KAZN: variants seen among roughly 807,000 people sequenced by gnomAD.
The protein encoded by KAZN is kazrin.
KAZN carries 40 observed loss-of-function variants against 87.4 expected under a neutral mutation model. The ratio of observed to expected loss-of-function variants is 0.46; its 90% confidence interval spans 0.36 to 0.60. KAZN has a LOEUF of 0.60. KAZN is among the 20% of genes least tolerant of loss of function. KAZN has a pLI of 0.00. For synonymous variants in KAZN, 466 were observed against 458.3 expected (o/e 1.02, Z -0.22); for missense variants, 898 against 1,073.9 (o/e 0.84, Z 2.29).
intron 1 of KAZN, among the ~76,000 whole-genome samples, chr1:13,920,939 A>AT (rs1640041973): frequency 6.6e-6 from 1 of 152,168 alleles, no homozygotes; most frequent in East Asian, 1.9e-4. Context: ...CTGCGCTGTC[A>AT]CTTGTCAGAT....
chr1:14,845,551 ATGGG>A (rs1183608838), intron 1 of KAZN, among the ~76,000 whole-genome samples: 4 of 138,906 alleles, frequency 2.9e-5, no homozygotes, highest in East Asian at 2.2e-4. Flanking sequence ...GGATGCATAG[ATGGG>A]TGGGTGGATG....
intron 2 of KAZN, among the ~76,000 whole-genome samples, chr1:14,337,211 T>G (rs1459988946): frequency 6.6e-6 from 1 of 152,222 alleles, no homozygotes; most frequent in Non-Finnish European, 1.5e-5. Context: ...TGATATGTAA[T>G]TTTGAGAAGA....
intron 2 of KAZN, among the ~76,000 whole-genome samples, chr1:14,397,499 A>C (rs1309341677): frequency 6.6e-6 from 1 of 152,150 alleles, no homozygotes; most frequent in African/African-American, 2.4e-5. Flanking sequence ...TTAGGGATTC[A>C]ACATGTACGT....
chr1:14,673,315 A>G (rs1228687323), intron 1 of KAZN, among the ~76,000 whole-genome samples: 3 of 152,198 alleles, frequency 2.0e-5, no homozygotes, highest in Non-Finnish European at 4.4e-5. Flanking sequence ...ACACATAACC[A>G]TGCCTACAAC....
intron 1 of KAZN, among the ~76,000 whole-genome samples, chr1:14,102,083 T>G (rs1224057233): frequency 2.0e-5 from 3 of 152,138 alleles, no homozygotes; most frequent in Non-Finnish European, 4.4e-5. Flanking sequence ...TCAAGTGGGA[T>G]ATTATTTCTT....
intron 1 of KAZN, among the ~76,000 whole-genome samples, chr1:14,895,294 A>G (rs1655138305): frequency 6.6e-6 from 1 of 152,202 alleles, no homozygotes; most frequent in African/African-American, 2.4e-5. Flanking sequence ...TGCTGGGCAC[A>G]CACTGCAGGA....
chr1:13,896,940 C>A (rs1484217257), intron 1 of KAZN, among the ~76,000 whole-genome samples: 1 of 151,992 alleles, frequency 6.6e-6, no homozygotes, highest in Non-Finnish European at 1.5e-5. Context: ...ACAGATGAGA[C>A]CAATAAAAGC....
chr1:14,532,482 A>G (rs370797379), intron 2 of KAZN, among the ~76,000 whole-genome samples: 97 of 123,900 alleles, frequency 7.8e-4, no homozygotes, highest in Admixed American at 1.8e-3. Context: ...TATTATTATT[A>G]TTATACTTTA....
intron 1 of KAZN, among the ~76,000 whole-genome samples, chr1:14,785,086 T>C (rs1645470023): frequency 6.7e-6 from 1 of 150,362 alleles, no homozygotes; most frequent in African/African-American, 2.5e-5. Context: ...GTTTAAGGAG[T>C]GGCGTGGACC....
chr1:14,983,812 C>T (rs1381952033), intron 2 of KAZN, among the ~76,000 whole-genome samples: 3 of 151,958 alleles, frequency 2.0e-5, no homozygotes, highest in Non-Finnish European at 4.4e-5. Context: ...CGTGGTGGCA[C>T]GCTTCTGTAA....
chr1:14,522,167 A>G (rs180803631), intron 2 of KAZN, among the ~76,000 whole-genome samples: 2 of 152,250 alleles, frequency 1.3e-5, no homozygotes, highest in East Asian at 3.9e-4. Flanking sequence ...GATCAACTTG[A>G]TTAAGTAAGA....
chr1:14,647,139 A>G (rs997919475), intron 1 of KAZN, among the ~76,000 whole-genome samples: 1 of 152,210 alleles, frequency 6.6e-6, no homozygotes, highest in Non-Finnish European at 1.5e-5. Flanking sequence ...AGCTCAGAAA[A>G]GCCATTCCAC....
chr1:14,947,000 G>A (rs754487938), intron 1 of KAZN, among the ~76,000 whole-genome samples: 3 of 152,198 alleles, frequency 2.0e-5, no homozygotes, highest in African/African-American at 7.2e-5. Flanking sequence ...GTGAGGTGTG[G>A]GGCAAGCAGC....
At chr1:14,736,302 TA>T (rs372116431) in intron 1 of KAZN, among the ~76,000 whole-genome samples, 6 of 139,098 alleles carry the variant, frequency 4.3e-5, no homozygotes, top group Admixed American at 7.0e-5. Flanking sequence ...TGTGTGTGTA[TA>T]TTTTTTTTTT....
chr1:14,769,213 G>A lies in KAZN; in HGVS notation c.226+169990G>A, dbSNP rs1644959752. On this transcript the variant is annotated intron_variant, in intron 1 of 14. Coordinates refer to ENST00000376030, the MANE Select transcript of KAZN (RefSeq NM_201628.3). This position sits in a 1 kb window ranked among gnomAD's most constrained non-coding sequence, Gnocchi z 4.1. ...TCAGTCCTTCACTCTGATAAGCTTG[G>A]CGTGCTAGTTTCCATGGACTTTTGC... is the stretch of plus-strand genomic sequence containing the variant. Among the ~76,000 whole-genome samples the A allele has an allele frequency of 6.6e-6, 1 of 152,140 alleles. No individual in the cohort carries two copies. The highest frequency in any genetic ancestry group is 2.4e-5 in the African/African-American group (1 of 41,440).
chr1:14,197,482 G>T (rs1396691016), intron 2 of KAZN, among the ~76,000 whole-genome samples: 1 of 150,988 alleles, frequency 6.6e-6, no homozygotes, highest in Non-Finnish European at 1.5e-5. Flanking sequence ...GAGGTCAGGA[G>T]TTCTAGACCA....
chr1:14,370,569 C>CT (rs1436160917), intron 2 of KAZN, among the ~76,000 whole-genome samples: 2 of 152,224 alleles, frequency 1.3e-5, no homozygotes. Flanking sequence ...ACTTTTCCCT[C>CT]TGAGTGGTAA....
At chr1:14,574,801 G>A (rs1675080102) in intron 2 of KAZN, among the ~76,000 whole-genome samples, 2 of 152,196 alleles carry the variant, frequency 1.3e-5, no homozygotes, top group Admixed American at 6.5e-5. Context: ...GCCCAGTGGA[G>A]GAAACTGACA....
rs910620327 is a variant in KAZN, at chr1:14,295,799, A to T, written c.249+115207A>T. Reference sequence around the variant, plus strand: ...ATTTCTTGGCTATGCAATTGCAGAGAACCCCATTTCTTTCCTTCATGTTGC... The same window carrying T: ...ATTTCTTGGCTATGCAATTGCAGAGTACCCCATTTCTTTCCTTCATGTTGC... On this transcript the variant is annotated intron_variant, in intron 2 of 16. Transcript: ENST00000636203. Among the ~76,000 whole-genome samples, 20 of 152,162 alleles carry T rather than the reference A, an allele frequency of 1.3e-4. 1 individual carries two copies. Among genetic ancestry groups the T allele is most frequent in the Non-Finnish European group, 1.5e-5 (1 of 68,024 alleles).
Sources: gnomAD v4.1 joint callset for allele counts (sites outside exome capture counted in the v4.1 genomes callset) on GRCh38, gnomAD v4.1.1 for gene constraint, Gnocchi (gnomAD v3.1) non-coding constraint, MANE v1.5 for transcripts, NCBI Gene and HGNC (gene_info 2026-07-23, HGNC 2026-07-21) for gene names.